Variants in ST6GALNAC5 observed in about 807,000 individuals in gnomAD.
ST6GALNAC5 encodes ST6 N-acetylgalactosaminide alpha-2,6-sialyltransferase 5.
ST6GALNAC5 carries 27 observed loss-of-function variants against 33.6 expected under a neutral mutation model. That is an observed-to-expected ratio of 0.80 (90% CI 0.59 to 1.11). The LOEUF (loss-of-function observed/expected upper bound fraction) is 1.11, where lower values mean the gene tolerates loss of function less well. Among genes scored for constraint, ST6GALNAC5 ranks in the 50% least tolerant of loss-of-function variants. The probability of loss-of-function intolerance (pLI) is 0.00; values close to 1 mark genes in which losing one functional copy is unlikely to be tolerated. For missense variants in ST6GALNAC5, 428 were observed against 454.0 expected, an observed-to-expected ratio of 0.94 and a Z score of 0.52; for synonymous variants, 194 against 171.2, an observed-to-expected ratio of 1.13 and a Z score of -1.04.
intron 3 of ST6GALNAC5, among the ~76,000 whole-genome samples, chr1:77,048,341 T>C (rs1338271537): frequency 1.3e-5 from 2 of 152,298 alleles, no homozygotes; most frequent in East Asian, 3.9e-4. Context: ...TGAGCTGTCA[T>C]CCTCTTCCTG....
In ST6GALNAC5 at chr1:77,063,329, A is replaced by G. The variant is rs1003359143; in HGVS notation, c.*123A>G. On this transcript the variant is annotated 3_prime_UTR_variant, in exon 5 of 5. Transcript: ENST00000477717. ...ACAGCTTCACTCCTCAGGAAGTACC[A>G]TGGACAGACGCCTACCAGGGGTGAC... 4.9e-6 allele frequency: 4 copies of G among 822,636 alleles called. No individual in the cohort carries two copies. The highest frequency in any genetic ancestry group is 7.6e-6 in the Non-Finnish European group (4 of 522,918). The allele number at this position is 822,636 out of a possible 1,614,324, so 51.0% of individuals were successfully genotyped here.
At chr1:76,886,795 A>G (rs1053037938) in intron 2 of ST6GALNAC5, among the ~76,000 whole-genome samples, 2 of 152,200 alleles carry the variant, frequency 1.3e-5, no homozygotes, top group Admixed American at 6.5e-5. Context: ...AAGTGGAATC[A>G]TTCAATATTT....
intron 2 of ST6GALNAC5, among the ~76,000 whole-genome samples, chr1:76,988,020 T>C (rs909927998): frequency 6.6e-6 from 1 of 152,156 alleles, no homozygotes; most frequent in Non-Finnish European, 1.5e-5. Flanking sequence ...TTCTTAGGTT[T>C]GGATGTTTAA....
At chr1:76,991,360 G>T (rs930266653) in intron 2 of ST6GALNAC5, among the ~76,000 whole-genome samples, 2 of 152,056 alleles carry the variant, frequency 1.3e-5, no homozygotes, top group Non-Finnish European at 2.9e-5. Context: ...GAATTTTAGG[G>T]CTCAACACAG....
Position 77,067,494 on chromosome 1 carries a change from C to T in ST6GALNAC5, c.*4288C>T, listed in dbSNP as rs1173301568. Among the ~76,000 whole-genome samples the T allele has an allele frequency of 6.6e-6, 1 of 152,168 alleles. No individual in the cohort carries two copies. Among genetic ancestry groups the T allele is most frequent in the Non-Finnish European group, 1.5e-5 (1 of 68,040 alleles). ...CTGCAGCCTATACCTAGTATAGTGC[C>T]TTGCACACAATAGGTGCTCAATAAA... On this transcript the variant is annotated 3_prime_UTR_variant, in exon 5 of 5. Coordinates refer to ENST00000477717, the MANE Select transcript of ST6GALNAC5 (RefSeq NM_030965.3).
At chr1:77,056,923 A>G (rs1027471392) in intron 4 of ST6GALNAC5, among the ~76,000 whole-genome samples, 4 of 152,186 alleles carry the variant, frequency 2.6e-5, no homozygotes, top group African/African-American at 9.7e-5. Flanking sequence ...TCAAGGCAGC[A>G]GAATAAGGGT....
intron 2 of ST6GALNAC5, among the ~76,000 whole-genome samples, chr1:77,003,739 C>T (rs913858693): frequency 1.9e-4 from 28 of 151,222 alleles, no homozygotes; most frequent in African/African-American, 6.6e-4. Context: ...TTTATTTCTC[C>T]TTCACTTATG....
At chr1:76,965,014 A>G (rs1465637771) in intron 2 of ST6GALNAC5, among the ~76,000 whole-genome samples, 1 of 152,122 alleles carries the variant, frequency 6.6e-6, no homozygotes, top group African/African-American at 2.4e-5. Context: ...TCATTGATGG[A>G]AATTTGGGTT....
At chr1:76,888,427 C>G (rs1393403939) in intron 2 of ST6GALNAC5, among the ~76,000 whole-genome samples, 4 of 152,060 alleles carry the variant, frequency 2.6e-5, no homozygotes, top group African/African-American at 9.7e-5. Context: ...GAGTAGTACT[C>G]TGTATGTCCT....
intron 2 of ST6GALNAC5, among the ~76,000 whole-genome samples, chr1:76,898,887 G>A (rs978068489): frequency 1.3e-5 from 2 of 152,058 alleles, no homozygotes; most frequent in Non-Finnish European, 2.9e-5. Flanking sequence ...CTGTAGAAAA[G>A]GTAGATTAGA....
chr1:76,932,275 G>A lies in ST6GALNAC5; in HGVS notation c.261+63533G>A, dbSNP rs529350678. On this transcript the variant is annotated intron_variant, in intron 2 of 4. Coordinates refer to ENST00000477717, the MANE Select transcript of ST6GALNAC5 (RefSeq NM_030965.3). ...TGTTAAAGTGAGGTCCGGGGGTTGA[G>A]AGGGAATATGCCGAGTGGCATCACA... Among the ~76,000 whole-genome samples the A allele has an allele frequency of 2.0e-5, 3 of 152,248 alleles. No homozygotes were observed. In the South Asian group the frequency reaches 6.2e-4, roughly 32 times the overall value.
rs1646851554 is a variant in ST6GALNAC5, at chr1:76,904,985, G to A, written c.261+36243G>A. Among the ~76,000 whole-genome samples, 3 of 152,146 alleles carry A rather than the reference G, an allele frequency of 2.0e-5. No homozygotes were observed. In the South Asian group the frequency reaches 6.2e-4, roughly 32 times the overall value. Reference sequence around the variant, plus strand: ...ATGAGTACAGGAGAGGAATGACTTTGGGGTGTTGACAGTGTTCTGTTTCTT... The same window carrying A: ...ATGAGTACAGGAGAGGAATGACTTTAGGGTGTTGACAGTGTTCTGTTTCTT... On this transcript the variant is annotated intron_variant, in intron 2 of 4. Transcript: ENST00000477717.
At position 76,991,875 on chromosome 1, in the gene ST6GALNAC5, C is replaced by T. The variant is rs185864349; in HGVS notation, c.262-52329C>T. 1.2e-3 allele frequency among the ~76,000 whole-genome samples: 176 copies of T among 151,878 alleles called. 1 individual carries two copies. The highest frequency in any genetic ancestry group is 9.7e-3 in the Admixed American group (148 of 15,252). On this transcript the variant is annotated intron_variant, in intron 2 of 4. Transcript: ENST00000477717. ...CACACACACACACACAGACACCCTGCCTATTCCTGAATTCTCAAACTTTTA... is the reference window on the plus strand; with the variant it reads ...CACACACACACACACAGACACCCTGTCTATTCCTGAATTCTCAAACTTTTA...
chr1:76,983,191 A>AC (rs1557747662), intron 2 of ST6GALNAC5, among the ~76,000 whole-genome samples: 4 of 152,112 alleles, frequency 2.6e-5, no homozygotes, highest in South Asian at 2.1e-4. Flanking sequence ...TGGGCTAAAT[A>AC]CCCCAATTAA....
rs553609638 is a variant in ST6GALNAC5, at chr1:77,057,544, G to A, written c.780-5431G>A. 2.2e-3 allele frequency among the ~76,000 whole-genome samples: 339 copies of A among 152,290 alleles called. 1 individual carries two copies. The highest frequency in any genetic ancestry group is 7.8e-3 in the African/African-American group (326 of 41,568). On this transcript the variant is annotated intron_variant, in intron 4 of 4. Coordinates refer to ENST00000477717, the MANE Select transcript of ST6GALNAC5 (RefSeq NM_030965.3). ...ATCTGATGGTAATAAACCAGGGTGG[G>A]TGGGAGGAGGTAGCAAGGTATGTTT...
At chr1:77,058,092 C>A (rs952989116) in intron 4 of ST6GALNAC5, among the ~76,000 whole-genome samples, 9 of 152,148 alleles carry the variant, frequency 5.9e-5, no homozygotes, top group Admixed American at 5.2e-4. Context: ...AACCTGGGTG[C>A]CATTAGTACA....
intron 2 of ST6GALNAC5, among the ~76,000 whole-genome samples, chr1:77,013,201 C>T (rs1312521132): frequency 2.0e-5 from 3 of 151,900 alleles, no homozygotes; most frequent in East Asian, 3.9e-4. Context: ...ACACCCAGCT[C>T]TACAACCTCA....
At chr1:76,950,045 A>G (rs780993111) in intron 2 of ST6GALNAC5, among the ~76,000 whole-genome samples, 1 of 152,134 alleles carries the variant, frequency 6.6e-6, no homozygotes, top group Non-Finnish European at 1.5e-5. Context: ...CTGTGGAATT[A>G]CACACCTTTA....
chr1:77,017,129 G>C (rs1417764093), intron 2 of ST6GALNAC5, among the ~76,000 whole-genome samples: 1 of 137,732 alleles, frequency 7.3e-6, no homozygotes, highest in Non-Finnish European at 1.5e-5. Context: ...TTGTGTTTCA[G>C]ACTCTGTAAT....
Sources: gnomAD v4.1 joint callset for allele counts (sites outside exome capture counted in the v4.1 genomes callset) on GRCh38, gnomAD v4.1.1 for gene constraint, MANE v1.5 for transcripts, NCBI Gene and HGNC (gene_info 2026-07-23, HGNC 2026-07-21) for gene names.